The following RIMBP2 variants were observed in gnomAD, a reference collection of about 807,000 sequenced individuals.
RIMBP2 encodes RIMS binding protein 2.
A neutral mutation model predicts 118.6 loss-of-function variants in RIMBP2; 48 were observed. The observed-to-expected ratio is 0.40, with a 90% CI of 0.32 to 0.51. The LOEUF is 0.51. Ranked by LOEUF, RIMBP2 falls within the 20% of genes least tolerant of loss-of-function variation. The pLI is 0.41. For missense variants in RIMBP2, 1,551 were observed against 1,768.3 expected, an observed-to-expected ratio of 0.88 and a Z score of 2.20; for synonymous variants, 762 against 742.9, an observed-to-expected ratio of 1.03 and a Z score of -0.42.
At chr12:130,524,273 C>T (rs2052511445) in intron 2 of RIMBP2, among the ~76,000 whole-genome samples, 1 of 152,174 alleles carries the variant, frequency 6.6e-6, no homozygotes, top group African/African-American at 2.4e-5. Context: ...GAAGCTTCTT[C>T]TCTGCTCTTC....
At chr12:130,639,611 G>T (rs1050629227) in intron 1 of RIMBP2, among the ~76,000 whole-genome samples, 1 of 151,354 alleles carries the variant, frequency 6.6e-6, no homozygotes, top group African/African-American at 2.4e-5. Flanking sequence ...ACACCATTCC[G>T]GGTCAGTGGA....
chr12:130,567,983 C>A (rs1395293577), intron 2 of RIMBP2, among the ~76,000 whole-genome samples: 1 of 152,142 alleles, frequency 6.6e-6, no homozygotes, highest in Admixed American at 6.5e-5. Context: ...CATCACCTGC[C>A]ATGCACCAAT....
chr12:130,612,787 C>T (rs1329306437), intron 2 of RIMBP2, among the ~76,000 whole-genome samples: 2 of 152,160 alleles, frequency 1.3e-5, no homozygotes, highest in African/African-American at 4.8e-5. Flanking sequence ...GTACCTTATT[C>T]TGGGCTTAGA....
At chr12:130,593,038 A>G (rs1280579810) in intron 2 of RIMBP2, among the ~76,000 whole-genome samples, 2 of 152,214 alleles carry the variant, frequency 1.3e-5, no homozygotes, top group Non-Finnish European at 2.9e-5. Context: ...TAGAATCCAC[A>G]TCGCATCATT....
intron 2 of RIMBP2, among the ~76,000 whole-genome samples, chr12:130,602,746 C>A (rs2059947999): frequency 6.6e-6 from 1 of 152,204 alleles, no homozygotes; most frequent in Non-Finnish European, 1.5e-5. Context: ...TCTGTTGCAC[C>A]ATATTGTAAT....
chr12:130,696,964 C>T (rs941032018), intron 1 of RIMBP2, among the ~76,000 whole-genome samples: 10 of 152,110 alleles, frequency 6.6e-5, no homozygotes, highest in East Asian at 3.8e-4. Flanking sequence ...GAGAGGTGAA[C>T]GGGGGCTGTA....
chr12:130,525,428 G>A lies in RIMBP2; in HGVS notation c.-216-7511C>T, dbSNP rs1345638147. Among the ~76,000 whole-genome samples the A allele has an allele frequency of 1.3e-5, 2 of 152,156 alleles. No individual in the cohort carries two copies. The highest frequency in any genetic ancestry group is 2.4e-5 in the African/African-American group (1 of 41,404). The stretch of plus-strand genomic sequence containing the variant: ...TGCTGGGTGAGAAGAGGCGCAGAGA[G>A]ACAAGGTCATGCTTAGAGCCTCCTA... On this transcript the variant is annotated intron_variant, in intron 2 of 22. Transcript: ENST00000690449. This position sits in a 1 kb window ranked among gnomAD's most constrained non-coding sequence, Gnocchi z 4.4.
At chr12:130,674,162 C>G (rs1007541159) in intron 1 of RIMBP2, among the ~76,000 whole-genome samples, 6 of 151,990 alleles carry the variant, frequency 3.9e-5, no homozygotes, top group African/African-American at 1.5e-4. Flanking sequence ...TCCTCCTTTC[C>G]TCCTTCACTT....
rs2048649969 is a variant in RIMBP2, at chr12:130,491,634, G to A, written c.-3-12618C>T. On this transcript the variant is annotated intron_variant, in intron 4 of 22. Coordinates refer to ENST00000690449, the MANE Select transcript of RIMBP2 (RefSeq NM_001393629.1). ...TAGGAGTCTCTCGGTTCCTGGGAGT[G>A]CAAGGGGCCCAAGGATTCCCAAAGG... 3.3e-5 allele frequency among the ~76,000 whole-genome samples: 5 copies of A among 152,312 alleles called. No individual in the cohort carries two copies. In the South Asian group the frequency reaches 1.0e-3, roughly 32 times the overall value.
At chr12:130,653,880 C>A (rs762828920) in intron 1 of RIMBP2, among the ~76,000 whole-genome samples, 3 of 152,202 alleles carry the variant, frequency 2.0e-5, no homozygotes, top group Non-Finnish European at 2.9e-5. Flanking sequence ...GTCAGAGTGC[C>A]CAGGATGCAG....
At chr12:130,702,547 A>AGAAGGAAGGAAGGAAGGAAGGAAGGAAG (rs57904486) in intron 1 of RIMBP2, among the ~76,000 whole-genome samples, 8 of 141,854 alleles carry the variant, frequency 5.6e-5, no homozygotes, top group East Asian at 2.1e-4. Context: ...AAAACAAGAA[A>AGAAGGAAGGAAGGAAGGAAGGAAGGAAG]GAAGGAAGGA....
At chr12:130,557,339 C>T (rs552671059) in intron 2 of RIMBP2, among the ~76,000 whole-genome samples, 84 of 152,316 alleles carry the variant, frequency 5.5e-4, no homozygotes, top group African/African-American at 1.9e-3. Flanking sequence ...TCACGCCACA[C>T]GTTTCTATCT....
At chr12:130,668,442 C>G (rs772673764) in intron 1 of RIMBP2, 1 of 152,278 alleles carries the variant, frequency 6.6e-6, no homozygotes, top group East Asian at 1.9e-4. Flanking sequence ...GGGCAGCCTG[C>G]GCGCCTCCTG....
chr12:130,660,538 G>A (rs1399503517), intron 1 of RIMBP2: 1 of 152,196 alleles, frequency 6.6e-6, no homozygotes, highest in Non-Finnish European at 1.5e-5. Context: ...GACGAAGCTG[G>A]AGCCTCAGGG....
In RIMBP2 at chr12:130,479,016, G is replaced by A; in HGVS notation, c.-3C>T. 6.2e-7 allele frequency: 1 copy of A among 1,612,660 alleles called. No individual in the cohort carries two copies. On this transcript the variant is annotated splice_region_variant and 5_prime_UTR_variant, in exon 5 of 23. Coordinates refer to ENST00000690449, the MANE Select transcript of RIMBP2 (RefSeq NM_001393629.1). ...CGCCGTTCAGCCGCCTCTCGCATAT[G>A]CTGTGGGGACAGAGAGAGGCCTGGC...
intron 1 of RIMBP2, among the ~76,000 whole-genome samples, chr12:130,650,140 G>A (rs973320479): frequency 2.0e-5 from 3 of 152,008 alleles, no homozygotes; most frequent in African/African-American, 7.2e-5. Context: ...AGAAAATTGC[G>A]GCTGCTGCCT....
chr12:130,597,611 A>G (rs1372428433), intron 2 of RIMBP2, among the ~76,000 whole-genome samples: 1 of 152,262 alleles, frequency 6.6e-6, no homozygotes, highest in Admixed American at 6.5e-5. Context: ...TGAAAAATCA[A>G]TCGATGTCAT....
At chr12:130,412,922 T>C in intron 18 of RIMBP2, 135 bp from the exon 19 acceptor site, 2 of 829,666 alleles carry the variant, frequency 2.4e-6, no homozygotes, top group Non-Finnish European at 3.6e-6. Flanking sequence ...ATCACCTGCA[T>C]AGGTCACCCA....
intron 21 of RIMBP2, among the ~76,000 whole-genome samples, chr12:130,401,024 T>C (rs952949850): frequency 6.6e-6 from 1 of 152,250 alleles, no homozygotes; most frequent in Non-Finnish European, 1.5e-5. Flanking sequence ...TTTTGCAAGA[T>C]GGAAAGAGTT....
Sources: allele counts gnomAD v4.1 joint callset (sites outside exome capture counted in the v4.1 genomes callset), GRCh38; gene constraint gnomAD v4.1.1; non-coding constraint Gnocchi (gnomAD v3.1); transcripts MANE v1.5; gene names NCBI Gene and HGNC (gene_info 2026-07-23, HGNC 2026-07-21).